GJD2: variants seen among roughly 807,000 people sequenced by gnomAD.
The protein encoded by GJD2 is gap junction delta-2 protein.
In GJD2, 12 loss-of-function variants were observed where a neutral mutation model predicts 24.3. The ratio of observed to expected loss-of-function variants is 0.49; its 90% CI spans 0.32 to 0.80. GJD2 has a LOEUF of 0.80. GJD2 is among the 30% of genes least tolerant of loss of function. The pLI, the probability that GJD2 is intolerant of heterozygous loss-of-function variation, is 0.04. For missense variants in GJD2, 268 were observed against 402.4 expected (o/e 0.67, Z 2.86); for synonymous variants, 171 against 155.2 (o/e 1.10, Z -0.76).
In GJD2 at chr15:34,751,955, GAAAAAAA is replaced by G. The variant is rs61551629; in HGVS notation, c.*516_*522del. ...AGGTCTAATGTAAGGCCAGATTCTG[GAAAAAAA>G]AAAAAAAAAAAAAAAAAAGCTGGCA... On this transcript the variant is annotated 3_prime_UTR_variant, in exon 2 of 2. Coordinates refer to ENST00000290374, the MANE Select transcript of GJD2 (RefSeq NM_020660.3). 9.4e-5 allele frequency: 2 copies of G among 21,204 alleles called. No homozygotes were observed. Among genetic ancestry groups the G allele is most frequent in the African/African-American group, 3.2e-4 (2 of 6,208 alleles). 1.3% of individuals were successfully genotyped at this position (21,204 alleles called of 1,614,324 possible). A position where few individuals can be genotyped will look rare whatever the true frequency, so the allele number is the denominator to read the frequency against.
Position 34,751,795 on chromosome 15 carries a change from A to C in GJD2, c.*683T>G, listed in dbSNP as rs887050996. On this transcript the variant is annotated 3_prime_UTR_variant, in exon 2 of 2. Transcript: ENST00000290374. ...GTGCAGTTTGAGTTAGAAAACTGGA[A>C]ATATTGAGACATTCCTAAGGTTTTC... 3 of 148,496 alleles carry C rather than the reference A, an allele frequency of 2.0e-5. No individual in the cohort carries two copies. Among genetic ancestry groups the C allele is most frequent in the African/African-American group, 7.4e-5 (3 of 40,464 alleles). The allele number at this position is 148,496 out of a possible 1,614,324, so 9.2% of individuals were successfully genotyped here. A position where few individuals can be genotyped will look rare whatever the true frequency, so the allele number is the denominator to read the frequency against.
At position 34,752,693 on chromosome 15, in the gene GJD2, T is replaced by C. The variant is rs1369926860; in HGVS notation, c.751A>G (p.Thr251Ala). Reference protein sequence around the residue: ...ECYVSRPTEKTVFLVFMFAVS... With the variant: ...ECYVSRPTEKAVFLVFMFAVS... ...GCAAACATGAACACTAGAAAGACAG[T>C]CTTCTCAGTTGGCCGGGACACATAA... The change falls in exon 2 of 2, where the codon ACT (threonine) becomes GCT (alanine). Residue 251 changes from threonine to alanine, a missense_variant. Thr to Ala is a moderately conservative substitution (Grantham distance 58, BLOSUM62 0). Coordinates refer to ENST00000290374, the MANE Select transcript of GJD2 (RefSeq NM_020660.3). The C allele has an allele frequency of 1.2e-6, 2 of 1,614,020 alleles. No homozygotes were observed. Among genetic ancestry groups the C allele is most frequent in the Non-Finnish European group, 1.7e-6 (2 of 1,180,012 alleles).
At position 34,754,467 on chromosome 15, in the gene GJD2, C is replaced by G. The variant is rs751886847; in HGVS notation, c.22G>C (p.Glu8Gln). Reference sequence around the variant, plus strand: ...TGCACCGCGGCTTCTAGCAGCCTCTCCAAGATGGTCCATTCCCCCATCGCT... The same window carrying G: ...TGCACCGCGGCTTCTAGCAGCCTCTGCAAGATGGTCCATTCCCCCATCGCT... MGEWTIL[E>Q]RLLEAAVQQH... The change falls in exon 1 of 2, where the codon GAG becomes CAG. Residue 8 changes from glutamate (E) to glutamine (Q), a missense_variant. Glu to Gln is a conservative substitution (Grantham distance 29). This residue lies in a region of GJD2 where 66 missense variants were observed against 129.5 expected (regional missense o/e 0.51). Transcript: ENST00000290374. The surrounding 1 kb of genome is among the most constrained non-coding windows in gnomAD (Gnocchi z 5.9). The G allele has an allele frequency of 2.5e-6, 4 of 1,614,004 alleles. No homozygotes were observed. In the Admixed American group the frequency reaches 6.7e-5, roughly 27 times the overall value.
Position 34,754,410 on chromosome 15 carries a change from G to C in GJD2, c.71+8C>G. ...GGGGCCCCCTGACCGCCGGCTTGGC[G>C]CCCTTACCTCCCGATCATAGTGGAG... On this transcript the variant is annotated splice_region_variant and intron_variant, in intron 1 of 1. Transcript: ENST00000290374. This position sits in a 1 kb window ranked among gnomAD's most constrained non-coding sequence, Gnocchi z 5.9. 1 of 1,612,300 alleles carries C rather than the reference G, an allele frequency of 6.2e-7. No homozygotes were observed. The highest frequency in any genetic ancestry group is 8.5e-7 in the Non-Finnish European group (1 of 1,178,626).
chr15:34,752,628 G>A lies in GJD2; in HGVS notation c.816C>T (p.Leu272=). 1 of 1,614,216 alleles carries A rather than the reference G, an allele frequency of 6.2e-7. No homozygotes were observed. The highest frequency in any genetic ancestry group is 8.5e-7 in the Non-Finnish European group (1 of 1,180,046). Residue 272 remains leucine, a synonymous_variant, in exon 2 of 2, where the codon CTC becomes CTT. Transcript: ENST00000290374. ...TGATCTTGCGCCATCCCAGGTGGTT[G>A]AGTTCAGCCAGGTTGAGCACAACAC... ...GICVVLNLAE[L]NHLGWRKIKL...
Position 34,754,669 on chromosome 15 carries a change from G to T in GJD2, c.-181C>A. ...TATTGTACTTAAAAGAGAAGAAATGGGGAAAGAAATCCAAGCGCGTCCCGA... is the reference window on the plus strand; with the variant it reads ...TATTGTACTTAAAAGAGAAGAAATGTGGAAAGAAATCCAAGCGCGTCCCGA... On this transcript the variant is annotated 5_prime_UTR_variant, in exon 1 of 2. Transcript: ENST00000290374. The surrounding 1 kb of genome is among the most constrained non-coding windows in gnomAD (Gnocchi z 5.9). 3.3e-6 allele frequency: 2 copies of T among 601,954 alleles called. No individual in the cohort carries two copies. 37.3% of individuals were successfully genotyped at this position (601,954 alleles called of 1,614,324 possible). A position where few individuals can be genotyped will look rare whatever the true frequency, so the allele number is the denominator to read the frequency against.
At chr15:34,753,960 C>G (rs1891148668) in intron 1 of GJD2, among the ~76,000 whole-genome samples, 2 of 130,008 alleles carry the variant, frequency 1.5e-5, no homozygotes, top group Non-Finnish European at 3.4e-5. Context: ...AAGTTTACAC[C>G]GCCAAATAAG....
chr15:34,754,691 C>G lies in GJD2; in HGVS notation c.-203G>C, dbSNP rs1201588312. The G allele has an allele frequency of 1.8e-6, 1 of 567,142 alleles. No individual in the cohort carries two copies. Among genetic ancestry groups the G allele is most frequent in the Middle Eastern group, 4.8e-4 (1 of 2,090 alleles). The allele number at this position is 567,142 out of a possible 1,614,324, so 35.1% of individuals were successfully genotyped here. A position where few individuals can be genotyped will look rare whatever the true frequency, so the allele number is the denominator to read the frequency against. On this transcript the variant is annotated 5_prime_UTR_variant, in exon 1 of 2. Transcript: ENST00000290374. This position sits in a 1 kb window ranked among gnomAD's most constrained non-coding sequence, Gnocchi z 5.9. ...ATGGGGAAAGAAATCCAAGCGCGTC[C>G]CGACCGATGGGGCAGTTGGCGCGGT...
rs1891117952 is a variant in GJD2 at position 34,752,540 on chromosome 15, G to C, written c.904C>G (p.Leu302Val). Reference sequence around the variant, plus strand: ...AAATTGGGAACACTGACCCTTGGCAGGTCCTTGTTACGAATCTCATAGATT... The same window carrying C: ...AAATTGGGAACACTGACCCTTGGCACGTCCTTGTTACGAATCTCATAGATT... ...KSIYEIRNKD[L>V]PRVSVPNFGR... Residue 302 changes from leucine (L) to valine (V), a missense_variant, in exon 2 of 2, where the codon CTG becomes GTG. This residue lies in a region of GJD2 where 115 missense variants were observed against 195.2 expected (regional missense o/e 0.59). Coordinates refer to ENST00000290374, the MANE Select transcript of GJD2 (RefSeq NM_020660.3). The C allele has an allele frequency of 1.9e-6, 3 of 1,614,186 alleles. No homozygotes were observed. Among genetic ancestry groups the C allele is most frequent in the Non-Finnish European group, 2.5e-6 (3 of 1,180,008 alleles).
rs75578664 is a variant in GJD2, at chr15:34,753,225, G to A, written c.219C>T (p.Ile73=). 302 of 1,614,186 alleles carry A rather than the reference G, an allele frequency of 1.9e-4. No individual in the cohort carries two copies. In the African/African-American group the frequency reaches 3.6e-3, roughly 19 times the overall value. ...GGAAGACCCAGTAACGTATGTGGGA[G>A]ATGGGGAAGGCGCGGTCATAGCAGG... ...NQACYDRAFP[I]SHIRYWVFQI... is the part of the protein sequence containing the mutation. The change falls in exon 2 of 2, where the codon ATC becomes ATT. Residue 73 remains isoleucine, a synonymous_variant. Transcript: ENST00000290374.
At position 34,751,119 on chromosome 15, in the gene GJD2, G is replaced by A. The variant is rs1891097074; in HGVS notation, c.*1359C>T. 2 of 152,116 alleles carry A rather than the reference G, an allele frequency of 1.3e-5. No homozygotes were observed. Among genetic ancestry groups the A allele is most frequent in the Non-Finnish European group, 2.9e-5 (2 of 68,016 alleles). 9.4% of individuals were successfully genotyped at this position (152,116 alleles called of 1,614,324 possible). On this transcript the variant is annotated 3_prime_UTR_variant, in exon 2 of 2. Transcript: ENST00000290374. ...CCATATCTAAATCAAAAATGATAAT[G>A]ATAATTCAAAGGGAACAAAGGGCTT...
At position 34,751,333 on chromosome 15, in the gene GJD2, G is replaced by A. The variant is rs967519104; in HGVS notation, c.*1145C>T. 6.6e-6 allele frequency: 1 copy of A among 152,178 alleles called. No individual in the cohort carries two copies. Among genetic ancestry groups the A allele is most frequent in the Non-Finnish European group, 1.5e-5 (1 of 68,044 alleles). 9.4% of individuals were successfully genotyped at this position (152,178 alleles called of 1,614,324 possible). A position where few individuals can be genotyped will look rare whatever the true frequency, so the allele number is the denominator to read the frequency against. ...AATAAGTCACCGTAAACACACGTTA[G>A]CCAATAGTGTTTAGTTGCAGGTCTT... On this transcript the variant is annotated 3_prime_UTR_variant, in exon 2 of 2. Coordinates refer to ENST00000290374, the MANE Select transcript of GJD2 (RefSeq NM_020660.3).
At position 34,754,530 on chromosome 15, in the gene GJD2, C is replaced by T. The variant is rs1351720200; in HGVS notation, c.-42G>A. On this transcript the variant is annotated 5_prime_UTR_variant, in exon 1 of 2. Transcript: ENST00000290374. The surrounding 1 kb of genome is among the most constrained non-coding windows in gnomAD (Gnocchi z 5.9). ...GCAGCAGACAAAGACTGGGCAGCAC[C>T]GGGCACGTTCCCGCTCCTGGCCCCT... 4.6e-6 allele frequency: 7 copies of T among 1,532,278 alleles called. No individual in the cohort carries two copies. The highest frequency in any genetic ancestry group is 2.2e-5 in the South Asian group (2 of 89,396). 94.9% of individuals were successfully genotyped at this position (1,532,278 alleles called of 1,614,324 possible).
At position 34,752,976 on chromosome 15, in the gene GJD2, G is replaced by A. The variant is rs1317336684; in HGVS notation, c.468C>T (p.Asn156=). The A allele has an allele frequency of 2.5e-6, 4 of 1,614,156 alleles. No individual in the cohort carries two copies. Among genetic ancestry groups the A allele is most frequent in the Non-Finnish European group, 3.4e-6 (4 of 1,180,028 alleles). The stretch of plus-strand genomic sequence containing the variant: ...CTGTCTCCTTACTGGTGTTCTCTGT[G>A]TTCTGCAGCACCCCATTCACAATAG... ...QNAIVNGVLQ[N]TENTSKETEP... is the part of the protein sequence containing the mutation. The change falls in exon 2 of 2, where the codon AAC becomes AAT. Residue 156 remains asparagine, a synonymous_variant. Coordinates refer to ENST00000290374, the MANE Select transcript of GJD2 (RefSeq NM_020660.3).
rs1043363720 is a variant in GJD2 at position 34,754,711 on chromosome 15, C to A, written c.-223G>T. 3.4e-5 allele frequency: 18 copies of A among 535,896 alleles called. No homozygotes were observed. The highest frequency in any genetic ancestry group is 6.1e-5 in the Non-Finnish European group (18 of 293,482). The allele number at this position is 535,896 out of a possible 1,614,324, so 33.2% of individuals were successfully genotyped here. A position where few individuals can be genotyped will look rare whatever the true frequency, so the allele number is the denominator to read the frequency against. ...GCGTCCCGACCGATGGGGCAGTTGGCGCGGTCTAGAGAGAGGGCACGAACC... is the reference window on the plus strand; with the variant it reads ...GCGTCCCGACCGATGGGGCAGTTGGAGCGGTCTAGAGAGAGGGCACGAACC... On this transcript the variant is annotated 5_prime_UTR_variant, in exon 1 of 2. Coordinates refer to ENST00000290374, the MANE Select transcript of GJD2 (RefSeq NM_020660.3). The surrounding 1 kb of genome is among the most constrained non-coding windows in gnomAD (Gnocchi z 5.9).
intron 1 of GJD2, among the ~76,000 whole-genome samples, chr15:34,753,775 C>T (rs1274768409): frequency 6.6e-6 from 1 of 152,010 alleles, no homozygotes; most frequent in Non-Finnish European, 1.5e-5. Context: ...ATAACTACTC[C>T]ATGTGTATAT....
At position 34,753,718 on chromosome 15, in the gene GJD2, C is replaced by T. The variant is rs185289452; in HGVS notation, c.72-346G>A. Among the ~76,000 whole-genome samples the T allele has an allele frequency of 9.6e-4, 139 of 144,614 alleles. 1 individual carries two copies. The highest frequency in any genetic ancestry group is 3.9e-3 in the Middle Eastern group (1 of 254). 94.9% of individuals were successfully genotyped at this position (144,614 alleles called of 152,430 possible). Reference sequence around the variant, plus strand: ...GGATATGGCAAATGCACACAGAATACCTTTACAGATGGTGCATGCTTCGAG... The same window carrying T: ...GGATATGGCAAATGCACACAGAATATCTTTACAGATGGTGCATGCTTCGAG... On this transcript the variant is annotated intron_variant, in intron 1 of 1. Transcript: ENST00000290374.
At position 34,752,641 on chromosome 15, in the gene GJD2, T is replaced by C; in HGVS notation, c.803A>G (p.Asn268Ser). 6.2e-7 allele frequency: 1 copy of C among 1,614,222 alleles called. No individual in the cohort carries two copies. ...TCCCAGGTGGTTGAGTTCAGCCAGG[T>C]TGAGCACAACACAGATGCCACTTAC... ...FAVSGICVVL[N>S]LAELNHLGWR... Residue 268 changes from asparagine to serine, a missense_variant, in exon 2 of 2, where the codon AAC becomes AGC. Transcript: ENST00000290374.
rs1272698045 is a variant in GJD2, at chr15:34,753,244, T to A, written c.200A>T (p.Tyr67Phe). 1 of 1,614,168 alleles carries A rather than the reference T, an allele frequency of 6.2e-7. No homozygotes were observed. Among genetic ancestry groups the A allele is most frequent in the Non-Finnish European group, 8.5e-7 (1 of 1,180,008 alleles). The change falls in exon 2 of 2, where the codon TAT becomes TTT. Residue 67 changes from tyrosine to phenylalanine, a missense_variant. Physicochemically the swap from Tyr to Phe is conservative, Grantham distance 22. This residue lies in a region of GJD2 where 66 missense variants were observed against 129.5 expected (regional missense o/e 0.51). Coordinates refer to ENST00000290374, the MANE Select transcript of GJD2 (RefSeq NM_020660.3). Reference sequence around the variant, plus strand: ...GTGGGAGATGGGGAAGGCGCGGTCATAGCAGGCCTGGTTACAGCCGGGCTG... The same window carrying A: ...GTGGGAGATGGGGAAGGCGCGGTCAAAGCAGGCCTGGTTACAGCCGGGCTG... The part of the protein sequence containing the change: ...TLQPGCNQAC[Y>F]DRAFPISHIR...
Sources: allele counts gnomAD v4.1 joint callset (sites outside exome capture counted in the v4.1 genomes callset), GRCh38; gene constraint gnomAD v4.1.1; regional missense constraint gnomAD v4.1.1; non-coding constraint Gnocchi (gnomAD v3.1); transcripts MANE v1.5; gene names NCBI Gene and HGNC (gene_info 2026-07-23, HGNC 2026-07-21).